RARS2: variants seen among roughly 807,000 people sequenced by gnomAD.
RARS2 encodes arginyl-tRNA synthetase 2, mitochondrial.
In RARS2, 67 loss-of-function variants were observed where a neutral mutation model predicts 88.5. That is an observed-to-expected ratio of 0.76 (90% CI 0.62 to 0.93). The LOEUF (loss-of-function observed/expected upper bound fraction) is 0.93. Among genes scored for constraint, RARS2 ranks in the 40% least tolerant of loss-of-function variants. RARS2 has a pLI of 0.00. For missense variants in RARS2, 664 were observed against 684.2 expected (o/e 0.97, Z 0.33); for synonymous variants, 239 against 230.3 (o/e 1.04, Z -0.34).
intron 4 of RARS2, among the ~76,000 whole-genome samples, chr6:87,556,321 T>C (rs1000268748): frequency 1.3e-5 from 2 of 152,180 alleles, no homozygotes; most frequent in Non-Finnish European, 2.9e-5. Context: ...TATTTTTATA[T>C]TTTTGAGACA....
intron 8 of RARS2, among the ~76,000 whole-genome samples, chr6:87,534,280 T>C (rs1241197505): frequency 6.6e-6 from 1 of 152,208 alleles, no homozygotes; most frequent in Non-Finnish European, 1.5e-5. Flanking sequence ...TCATGAGTTA[T>C]CAAATTTCTC....
intron 8 of RARS2, among the ~76,000 whole-genome samples, chr6:87,532,772 C>G (rs1476033351): frequency 6.6e-6 from 1 of 152,036 alleles, no homozygotes; most frequent in African/African-American, 2.4e-5. Flanking sequence ...TCTTAGGATA[C>G]CTGACACATC....
chr6:87,583,570 C>T (rs1354253211), intron 1 of RARS2, among the ~76,000 whole-genome samples: 1 of 135,726 alleles, frequency 7.4e-6, no homozygotes, highest in Non-Finnish European at 1.6e-5. Flanking sequence ...GCCTGGGCAA[C>T]AAGAACAAAA....
At chr6:87,540,719 A>G (rs1363225941) in intron 8 of RARS2, among the ~76,000 whole-genome samples, 1 of 152,218 alleles carries the variant, frequency 6.6e-6, no homozygotes, top group Non-Finnish European at 1.5e-5. Flanking sequence ...AACAGGGACA[A>G]CAAAAAGGAA....
chr6:87,549,723 A>G (rs1432648392), intron 5 of RARS2, among the ~76,000 whole-genome samples: 1 of 152,210 alleles, frequency 6.6e-6, no homozygotes, highest in East Asian at 1.9e-4. Flanking sequence ...TCACTACCTG[A>G]CAGGCACAGC....
intron 4 of RARS2, among the ~76,000 whole-genome samples, chr6:87,558,949 G>GCCC (rs887081546): frequency 6.6e-6 from 1 of 152,192 alleles, no homozygotes; most frequent in African/African-American, 2.4e-5. Flanking sequence ...GTGTGTTACT[G>GCCC]CCCCTGAAGA....
intron 8 of RARS2, among the ~76,000 whole-genome samples, chr6:87,535,921 G>T (rs1280938912): frequency 1.3e-5 from 2 of 151,906 alleles, no homozygotes; most frequent in Non-Finnish European, 2.9e-5. Flanking sequence ...TTGAGCTCAG[G>T]CAATCCACCT....
Position 87,567,442 on chromosome 6 carries a change from T to C in RARS2, c.110+2075A>G, listed in dbSNP as rs1238881837. Among the ~76,000 whole-genome samples the C allele has an allele frequency of 2.0e-5, 3 of 152,242 alleles. No individual in the cohort carries two copies. In the East Asian group the frequency reaches 5.8e-4, roughly 29 times the overall value. On this transcript the variant is annotated intron_variant, in intron 2 of 19. Transcript: ENST00000369536. ...TGAAATCCACAGACTTGATAGCCAT[T>C]GGCTTATAATAAAGTTGTTAATTCT...
At chr6:87,560,849 T>C (rs933016347) in intron 4 of RARS2, among the ~76,000 whole-genome samples, 1 of 152,148 alleles carries the variant, frequency 6.6e-6, no homozygotes, top group Non-Finnish European at 1.5e-5. Context: ...GATCGTGCCA[T>C]TGCACTCCAG....
intron 7 of RARS2, among the ~76,000 whole-genome samples, chr6:87,544,740 A>G (rs1782081119): frequency 6.6e-6 from 1 of 152,204 alleles, no homozygotes; most frequent in Non-Finnish European, 1.5e-5. Flanking sequence ...AACTCATTAT[A>G]TGAGAGATAA....
At chr6:87,587,797 G>A (rs2128232897) in intron 1 of RARS2, among the ~76,000 whole-genome samples, 1 of 151,950 alleles carries the variant, frequency 6.6e-6, no homozygotes, top group Non-Finnish European at 1.5e-5. Flanking sequence ...TTTTGAGACA[G>A]GGACTCACTT....
intron 1 of RARS2, among the ~76,000 whole-genome samples, chr6:87,571,685 A>T (rs559132405): frequency 6.6e-6 from 1 of 152,342 alleles, no homozygotes; most frequent in South Asian, 2.1e-4. Context: ...ACTGTTCAGG[A>T]GAGCAATAAA....
intron 9 of RARS2, 58 bp downstream of exon 9, chr6:87,530,726 G>C: frequency 6.4e-7 from 1 of 1,569,886 alleles, no homozygotes; most frequent in South Asian, 1.1e-5. Flanking sequence ...TACTATGCAG[G>C]TAACAGCCGA....
intron 15 of RARS2, 39 bp downstream of exon 15, chr6:87,518,785 C>G: frequency 1.9e-6 from 3 of 1,612,646 alleles, no homozygotes; most frequent in Non-Finnish European, 2.5e-6. Context: ...TGCTCTAGTA[C>G]CAAACAAAAG....
At chr6:87,548,704 A>G (rs1783400366) in intron 5 of RARS2, 58 bp from the exon 6 acceptor site, 1 of 1,495,760 alleles carries the variant, frequency 6.7e-7, no homozygotes, top group Non-Finnish European at 9.2e-7. Context: ...CTAAGAATCA[A>G]CTAGGTCATG....
At chr6:87,548,531 G>C in intron 6 of RARS2, 60 bp downstream of exon 6, 1 of 1,502,954 alleles carries the variant, frequency 6.7e-7, no homozygotes, top group Non-Finnish European at 9.2e-7. Context: ...ACATTAAATT[G>C]AACTATCAAA....
chr6:87,549,527 C>T (rs1783712360), intron 5 of RARS2, among the ~76,000 whole-genome samples: 1 of 149,918 alleles, frequency 6.7e-6, no homozygotes. Context: ...GCCTGGGTGA[C>T]AGAGTAAGAT....
At chr6:87,567,342 C>A (rs1463233136) in intron 2 of RARS2, among the ~76,000 whole-genome samples, 1 of 152,198 alleles carries the variant, frequency 6.6e-6, no homozygotes, top group Non-Finnish European at 1.5e-5. Flanking sequence ...TACACTCATT[C>A]TTTATACTTA....
chr6:87,553,546 T>C (rs1784960307), intron 5 of RARS2, among the ~76,000 whole-genome samples: 1 of 152,210 alleles, frequency 6.6e-6, no homozygotes, highest in Non-Finnish European at 1.5e-5. Context: ...AAGCAGCCAA[T>C]GTAGATGATG....
Sources: gnomAD v4.1 joint callset for allele counts (sites outside exome capture counted in the v4.1 genomes callset) on GRCh38, gnomAD v4.1.1 for gene constraint, MANE v1.5 for transcripts, NCBI Gene and HGNC (gene_info 2026-07-23, HGNC 2026-07-21) for gene names.